RBFOX1: variants seen among roughly 807,000 people sequenced by gnomAD.
RBFOX1 encodes the protein RNA binding protein fox-1 homolog 1.
Under a neutral mutation model 57.7 loss-of-function variants are expected in RBFOX1, and 8 were observed. The observed-to-expected ratio is 0.14, with a 90% CI of 0.08 to 0.25. RBFOX1 has a LOEUF of 0.25. RBFOX1 is among the 10% of genes least tolerant of loss of function. The probability of loss-of-function intolerance (pLI) is 1.00; values close to 1 mark genes in which losing one functional copy is unlikely to be tolerated. For missense variants in RBFOX1, 611 were observed against 548.5 expected, an observed-to-expected ratio of 1.11 and a Z score of -1.14; for synonymous variants, 326 against 222.4, an observed-to-expected ratio of 1.47 and a Z score of -4.15.
At chr16:7,599,671 G>T (rs995079208) in intron 9 of RBFOX1, among the ~76,000 whole-genome samples, 3 of 121,566 alleles carry the variant, frequency 2.5e-5, no homozygotes, top group East Asian at 2.4e-4. Flanking sequence ...TTTGAGACAG[G>T]GTCTCACTTT....
rs182479080 is a variant in RBFOX1 at position 6,524,596 on chromosome 16, G to C, written c.-63-130007G>C. The stretch of plus-strand genomic sequence containing the variant: ...TTGTTTTGTGTTAAAAGGGCCTGTG[G>C]AGGATTGTGTTTGTGTTCTGGGACT... On this transcript the variant is annotated intron_variant, in intron 2 of 15. Transcript: ENST00000550418. 2.2e-3 allele frequency among the ~76,000 whole-genome samples: 341 copies of C among 152,268 alleles called. 2 individuals carry two copies. The highest frequency in any genetic ancestry group is 7.8e-3 in the African/African-American group (325 of 41,562).
In RBFOX1 at chr16:6,400,079, T is replaced by A. The variant is rs536644106; in HGVS notation, c.-64+83022T>A. The stretch of plus-strand genomic sequence containing the variant: ...GGGGACACAGCCAAATCATATCAGG[T>A]GATTTGAACAACACTATCTACCAAC... On this transcript the variant is annotated intron_variant, in intron 2 of 15. Coordinates refer to ENST00000550418, the MANE Select transcript of RBFOX1 (RefSeq NM_018723.4). Among the ~76,000 whole-genome samples, 9 of 152,302 alleles carry A rather than the reference T, an allele frequency of 5.9e-5. No individual in the cohort carries two copies. In the South Asian group the frequency reaches 1.9e-3, roughly 32 times the overall value.
Position 5,984,373 on chromosome 16 carries a change from G to A in RBFOX1, c.351+117038G>A, listed in dbSNP as rs142378736. Among the ~76,000 whole-genome samples, 40 of 151,512 alleles carry A rather than the reference G, an allele frequency of 2.6e-4. 1 individual carries two copies. The highest frequency in any genetic ancestry group is 9.0e-4 in the African/African-American group (37 of 41,268). On this transcript the variant is annotated intron_variant, in intron 4 of 19. Coordinates refer to the RBFOX1 transcript ENST00000641259. Reference sequence around the variant, plus strand: ...CAGTAACCGACTTTTCTAAAGCAATGAACTACTTGAATAGAGGAAGCAAAG... The same window carrying A: ...CAGTAACCGACTTTTCTAAAGCAATAAACTACTTGAATAGAGGAAGCAAAG...
rs5815365 is a variant in RBFOX1 at position 7,094,628 on chromosome 16, GTTTT to G, written c.27+42545_27+42548del. On this transcript the variant is annotated intron_variant, in intron 4 of 15. Transcript: ENST00000550418. ...TGGGGACTCCTGCATTTCTTTTGAAGTTTTTTTTTTTTTTTTTTAAATCATTACA... is the reference window on the plus strand; with the variant it reads ...TGGGGACTCCTGCATTTCTTTTGAAGTTTTTTTTTTTTTTAAATCATTACA... Among the ~76,000 whole-genome samples the G allele has an allele frequency of 7.7e-3, 1,080 of 141,052 alleles. 14 individuals are homozygous for G. Among genetic ancestry groups the G allele is most frequent in the African/African-American group, 0.027 (1,036 of 38,204 alleles). 92.5% of individuals were successfully genotyped at this position (141,052 alleles called of 152,430 possible).
chr16:7,412,120 G>C (rs1365507887), intron 4 of RBFOX1, among the ~76,000 whole-genome samples: 1 of 152,096 alleles, frequency 6.6e-6, no homozygotes, highest in Admixed American at 6.6e-5. Flanking sequence ...CATGTACCAT[G>C]CTACTGTAAG....
chr16:5,747,884 C>T (rs192174147), intron 3 of RBFOX1, among the ~76,000 whole-genome samples: 260 of 152,182 alleles, frequency 1.7e-3, no homozygotes, highest in African/African-American at 6.1e-3. Context: ...TTCAGTTCTG[C>T]TCTGATCTTA....
chr16:6,689,660 T>C (rs956821523), intron 3 of RBFOX1, among the ~76,000 whole-genome samples: 2 of 152,178 alleles, frequency 1.3e-5, no homozygotes, highest in Non-Finnish European at 2.9e-5. Flanking sequence ...TTGGGGACAG[T>C]TGTCATGAAA....
intron 2 of RBFOX1, among the ~76,000 whole-genome samples, chr16:6,501,744 C>G (rs1436786119): frequency 6.6e-6 from 1 of 152,060 alleles, no homozygotes; most frequent in Non-Finnish European, 1.5e-5. Context: ...GTGCTGGGTG[C>G]CAGGCACTGC....
rs971498060 is a variant in RBFOX1 at position 6,499,414 on chromosome 16, A to T, written c.-63-155189A>T. On this transcript the variant is annotated intron_variant, in intron 2 of 15. Transcript: ENST00000550418. ...TATGAAAAATCTTAATTAAAATAAA[A>T]ACTGTAGTATGTGTTTTTATCCCAT... is the stretch of plus-strand genomic sequence containing the variant. Among the ~76,000 whole-genome samples, 5 of 152,158 alleles carry T rather than the reference A, an allele frequency of 3.3e-5. No homozygotes were observed. The East Asian group carries it at 9.6e-4, about 29-fold the overall frequency.
intron 3 of RBFOX1, among the ~76,000 whole-genome samples, chr16:5,649,854 A>T (rs2049174656): frequency 1.3e-5 from 2 of 152,126 alleles, no homozygotes; most frequent in Non-Finnish European, 2.9e-5. Context: ...ATTGCCCTTG[A>T]GCTGAGCTTG....
At chr16:5,676,636 A>G (rs770364101) in intron 3 of RBFOX1, among the ~76,000 whole-genome samples, 2 of 152,178 alleles carry the variant, frequency 1.3e-5, no homozygotes, top group Non-Finnish European at 2.9e-5. Context: ...TGAAGCAGGA[A>G]GATCACTGGA....
At chr16:5,500,256 G>A (rs545963965) in intron 2 of RBFOX1, among the ~76,000 whole-genome samples, 82 of 133,094 alleles carry the variant, frequency 6.2e-4, no homozygotes, top group African/African-American at 2.2e-3. Context: ...TGTTCCATTC[G>A]TTTTTGCCCA....
At chr16:5,367,954 G>C (rs953626226) in intron 1 of RBFOX1, among the ~76,000 whole-genome samples, 1 of 152,210 alleles carries the variant, frequency 6.6e-6, no homozygotes. Context: ...GTTGTGAGGA[G>C]TTTCCCGTTC....
At chr16:6,334,776 T>G (rs563514031) in intron 2 of RBFOX1, among the ~76,000 whole-genome samples, 1 of 152,166 alleles carries the variant, frequency 6.6e-6, no homozygotes, top group Non-Finnish European at 1.5e-5. Flanking sequence ...TGATTAGCAA[T>G]GTCTTCCATG....
chr16:7,029,931 G>C (rs1464319544), intron 3 of RBFOX1, among the ~76,000 whole-genome samples: 1 of 152,186 alleles, frequency 6.6e-6, no homozygotes, highest in Non-Finnish European at 1.5e-5. Flanking sequence ...TGGGAGATTT[G>C]GAGAATGGGG....
chr16:5,306,606 CG>C (rs1396835724), intron 1 of RBFOX1, among the ~76,000 whole-genome samples: 2 of 152,134 alleles, frequency 1.3e-5, no homozygotes, highest in African/African-American at 4.8e-5. Context: ...CATGCCTGGC[CG>C]GGGTCTTGTA....
Position 5,843,668 on chromosome 16 carries a change from T to G in RBFOX1, c.319-23635T>G, listed in dbSNP as rs555713840. 3.6e-3 allele frequency among the ~76,000 whole-genome samples: 549 copies of G among 152,342 alleles called. 6 individuals are homozygous for G. The highest frequency in any genetic ancestry group is 0.027 in the Middle Eastern group (8 of 294). ...TAACACATTATACCCAAGCCATTCC[T>G]TGAAGCAAGGTAGCCATGTTATAGA... On this transcript the variant is annotated intron_variant, in intron 3 of 19. Coordinates refer to the RBFOX1 transcript ENST00000641259.
chr16:7,341,317 C>G (rs530063201), intron 4 of RBFOX1, among the ~76,000 whole-genome samples: 5 of 152,236 alleles, frequency 3.3e-5, no homozygotes, highest in Admixed American at 1.3e-4. Flanking sequence ...TTGAGCTTTT[C>G]AGGCTTGTAA....
chr16:5,791,838 T>C (rs1206146796), intron 3 of RBFOX1, among the ~76,000 whole-genome samples: 1 of 152,214 alleles, frequency 6.6e-6, no homozygotes, highest in Non-Finnish European at 1.5e-5. Context: ...CACTTTGCTC[T>C]CTGGAAATAA....
Sources: allele counts gnomAD v4.1 joint callset (sites outside exome capture counted in the v4.1 genomes callset), GRCh38; gene constraint gnomAD v4.1.1; transcripts MANE v1.5; gene names NCBI Gene and HGNC (gene_info 2026-07-23, HGNC 2026-07-21).